The following LRP5 variants were observed in gnomAD, a reference collection of about 807,000 sequenced individuals.
LRP5 encodes the protein LDL receptor related protein 5.
In LRP5, 62 loss-of-function variants were observed where a neutral mutation model predicts 154.1. That is an observed-to-expected ratio of 0.40 (90% CI 0.33 to 0.50). The LOEUF (loss-of-function observed/expected upper bound fraction) is 0.50. Among genes scored for constraint, LRP5 ranks in the 20% least tolerant of loss-of-function variants. The pLI is 0.55. For synonymous variants in LRP5, 966 were observed against 1,011.5 expected (o/e 0.96, Z 0.85); for missense variants, 1,915 against 2,336.7 (o/e 0.82, Z 3.72).
the LRP5 span, among the ~76,000 whole-genome samples, chr11:68,302,434 T>C: frequency 6.6e-6 from 1 of 151,696 alleles, no homozygotes; most frequent in Non-Finnish European, 1.5e-5. Context: ...CCACCCATGC[T>C]TGCGGGGAGG....
At chr11:68,342,215 G>C (rs977846753) in intron 1 of LRP5, among the ~76,000 whole-genome samples, 1 of 151,990 alleles carries the variant, frequency 6.6e-6, no homozygotes, top group Non-Finnish European at 1.5e-5. Flanking sequence ...CTACGGAGCC[G>C]GCCCTTCCCT....
intron 1 of LRP5, among the ~76,000 whole-genome samples, chr11:68,328,360 C>T (rs1256317022): frequency 1.3e-5 from 2 of 152,232 alleles, no homozygotes; most frequent in African/African-American, 4.8e-5. Context: ...AAAATAAAAG[C>T]TGGTACAAAG....
intron 13 of LRP5, among the ~76,000 whole-genome samples, chr11:68,421,979 G>T (rs1213659828): frequency 1.3e-5 from 2 of 152,070 alleles, no homozygotes; most frequent in Non-Finnish European, 2.9e-5. Flanking sequence ...CCAGGCTGGG[G>T]TATGGTGATA....
chr11:68,326,512 C>T (rs1457708627), intron 1 of LRP5, among the ~76,000 whole-genome samples: 1 of 152,360 alleles, frequency 6.6e-6, no homozygotes, highest in African/African-American at 2.4e-5. Flanking sequence ...CGTCTTCCCT[C>T]GCCCTGGCCG....
chr11:68,378,698 T>C (rs1405019114), intron 5 of LRP5, among the ~76,000 whole-genome samples: 1 of 152,248 alleles, frequency 6.6e-6, no homozygotes, highest in East Asian at 1.9e-4. Flanking sequence ...ACAGACTTAG[T>C]TGTGTCCATG....
intron 3 of LRP5, among the ~76,000 whole-genome samples, chr11:68,362,648 A>AC (rs1399984638): frequency 6.6e-6 from 1 of 151,594 alleles, no homozygotes; most frequent in Non-Finnish European, 1.5e-5. Context: ...CTGAGATCAC[A>AC]CCACTGCACT....
the LRP5 span, among the ~76,000 whole-genome samples, chr11:68,304,979 C>T: frequency 6.6e-6 from 1 of 152,004 alleles, no homozygotes; most frequent in Non-Finnish European, 1.5e-5. Context: ...TGAGTTAATG[C>T]TGGGATGAGT....
chr11:68,349,660 G>A (rs1319172222), intron 2 of LRP5, among the ~76,000 whole-genome samples: 2 of 152,192 alleles, frequency 1.3e-5, no homozygotes, highest in Non-Finnish European at 2.9e-5. Flanking sequence ...CAGGTGGGGA[G>A]AGCGTGGGTG....
chr11:68,320,445 T>C (rs1186488440), intron 1 of LRP5, among the ~76,000 whole-genome samples: 2 of 151,926 alleles, frequency 1.3e-5, no homozygotes, highest in Non-Finnish European at 2.9e-5. Flanking sequence ...TCTTTTCTTT[T>C]TTCTTCTTCT....
intron 22 of LRP5, 88 bp downstream of exon 22, chr11:68,446,621 G>A (rs2153185107): frequency 8.3e-7 from 1 of 1,198,458 alleles, no homozygotes; most frequent in South Asian, 1.2e-5. Flanking sequence ...CTGATGAGGG[G>A]AGGTATTCTG....
At chr11:68,374,546 A>G (rs1314865511) in intron 5 of LRP5, among the ~76,000 whole-genome samples, 2 of 152,222 alleles carry the variant, frequency 1.3e-5, no homozygotes, top group African/African-American at 2.4e-5. Flanking sequence ...ACTTGCAGGC[A>G]ATAAAACGCA....
At chr11:68,368,064 CAAA>C (rs35969123) in intron 5 of LRP5, among the ~76,000 whole-genome samples, 9 of 94,584 alleles carry the variant, frequency 9.5e-5, no homozygotes, top group Non-Finnish European at 4.2e-5. Context: ...GACCCTGTCT[CAAA>C]AAAAAAAAAA....
At chr11:68,315,180 T>C (rs1306217965) in intron 1 of LRP5, among the ~76,000 whole-genome samples, 1 of 152,196 alleles carries the variant, frequency 6.6e-6, no homozygotes, top group African/African-American at 2.4e-5. Flanking sequence ...TTCTGTTATC[T>C]CACCCCGTTC....
At chr11:68,344,373 CAATGGGGTGACCTCAGCT>C (rs1308726144) in intron 1 of LRP5, among the ~76,000 whole-genome samples, 1 of 152,108 alleles carries the variant, frequency 6.6e-6, no homozygotes, top group African/African-American at 2.4e-5. Flanking sequence ...GGCTGGAGTG[CAATGGGGTGACCTCAGCT>C]CACTGCAACC....
Position 68,448,941 on chromosome 11 carries a change from T to C in LRP5, c.4719T>C (p.Tyr1573=), listed in dbSNP as rs1314623710. 4 of 1,613,018 alleles carry C rather than the reference T, an allele frequency of 2.5e-6. No homozygotes were observed. In the South Asian group the frequency reaches 4.4e-5, roughly 18 times the overall value. Reference sequence around the variant, plus strand: ...ATTTGAACTCGGACTCAGACCCCTATCCACCCCCACCCACGCCCCACAGCC... The same window carrying C: ...ATTTGAACTCGGACTCAGACCCCTACCCACCCCCACCCACGCCCCACAGCC... The part of the protein sequence containing the change: ...YLDLNSDSDP[Y]PPPPTPHSQY... Residue 1573 remains tyrosine, a synonymous_variant, in exon 23 of 23, where the codon TAT becomes TAC. Coordinates refer to ENST00000294304, the MANE Select transcript of LRP5 (RefSeq NM_002335.4).
At chr11:68,348,266 C>G (rs1448215986) in intron 2 of LRP5, 23 bp downstream of exon 2, 15 of 1,601,562 alleles carry the variant, frequency 9.4e-6, no homozygotes, top group Non-Finnish European at 1.3e-5. Context: ...GCGACTCCAC[C>G]TGGGTCCAGG....
In LRP5 at chr11:68,448,908, C is replaced by T; in HGVS notation, c.4686C>T (p.Tyr1562=). The T allele has an allele frequency of 6.2e-7, 1 of 1,613,780 alleles. No individual in the cohort carries two copies. The highest frequency in any genetic ancestry group is 8.5e-7 in the Non-Finnish European group (1 of 1,180,022). The change falls in exon 23 of 23, where the codon TAC becomes TAT. Residue 1562 remains tyrosine, a synonymous_variant. Transcript: ENST00000294304. ...YSASRWKASK[Y]YLDLNSDSDP... is the part of the protein sequence containing the mutation. ...CCAGCCGCTGGAAGGCCAGCAAGTACTACCTGGATTTGAACTCGGACTCAG... is the reference window on the plus strand; with the variant it reads ...CCAGCCGCTGGAAGGCCAGCAAGTATTACCTGGATTTGAACTCGGACTCAG...
intron 5 of LRP5, among the ~76,000 whole-genome samples, chr11:68,385,943 T>A (rs2098642745): frequency 6.6e-6 from 1 of 151,840 alleles, no homozygotes; most frequent in Non-Finnish European, 1.5e-5. Flanking sequence ...GCGGGACTTG[T>A]GGTTGGGGCT....
rs146895334 is a variant in LRP5, at chr11:68,357,718, G to A, written c.557G>A (p.Arg186Gln). 4.7e-5 allele frequency: 76 copies of A among 1,614,130 alleles called. No individual in the cohort carries two copies. The highest frequency in any genetic ancestry group is 1.1e-4 in the African/African-American group (8 of 75,056). The change falls in exon 3 of 23, where the codon CGG becomes CAG. Residue 186 changes from arginine to glutamine, a missense_variant. By Grantham distance (43) the Arg-to-Gln change is conservative. This residue lies in a region of LRP5 where 773 missense variants were observed against 1,100.9 expected (regional missense o/e 0.70). Transcript: ENST00000294304. Reference protein sequence around the residue: ...IERAGMDGSTRKIIVDSDIYW... With the variant: ...IERAGMDGSTQKIIVDSDIYW... ...CGGGCAGGGATGGATGGCAGCACCCGGAAGATCATTGTGGACTCGGACATT... is the reference window on the plus strand; with the variant it reads ...CGGGCAGGGATGGATGGCAGCACCCAGAAGATCATTGTGGACTCGGACATT...
Sources: allele counts gnomAD v4.1 joint callset (sites outside exome capture counted in the v4.1 genomes callset), GRCh38; gene constraint gnomAD v4.1.1; regional missense constraint gnomAD v4.1.1; transcripts MANE v1.5; gene names NCBI Gene and HGNC (gene_info 2026-07-23, HGNC 2026-07-21).